EPB41L4A: variants seen among roughly 807,000 people sequenced by gnomAD.
The protein encoded by EPB41L4A is band 4.1-like protein 4A.
A neutral mutation model predicts 108.6 loss-of-function variants in EPB41L4A; 100 were observed. The ratio of observed to expected loss-of-function variants is 0.92; its 90% CI spans 0.78 to 1.09. The LOEUF is 1.09. Among genes scored for constraint, EPB41L4A ranks in the 50% least tolerant of loss-of-function variants. The pLI is 0.00. For synonymous variants in EPB41L4A, 319 were observed against 289.0 expected (o/e 1.10, Z -1.05); for missense variants, 1,030 against 842.7 (o/e 1.22, Z -2.75).
chr5:112,186,239 A>G (rs1296930177), intron 17 of EPB41L4A, among the ~76,000 whole-genome samples: 2 of 152,152 alleles, frequency 1.3e-5, no homozygotes, highest in African/African-American at 4.8e-5. Flanking sequence ...GAGAGGTCAA[A>G]CCTGCTAACA....
chr5:112,203,186 T>C (rs1024910062), intron 15 of EPB41L4A, among the ~76,000 whole-genome samples: 5 of 151,906 alleles, frequency 3.3e-5, no homozygotes, highest in African/African-American at 1.2e-4. Context: ...AGAAACCCTA[T>C]CCCTACTAAA....
chr5:112,405,694 C>A (rs1291430905), intron 1 of EPB41L4A, among the ~76,000 whole-genome samples: 1 of 152,150 alleles, frequency 6.6e-6, no homozygotes, highest in Non-Finnish European at 1.5e-5. Context: ...CCTGTATTCA[C>A]TTTTTCTAAA....
chr5:112,229,388 T>G (rs1457172460), intron 12 of EPB41L4A, among the ~76,000 whole-genome samples: 1 of 152,148 alleles, frequency 6.6e-6, no homozygotes, highest in Non-Finnish European at 1.5e-5. Context: ...AAATAACTCT[T>G]GTGGGGTATT....
chr5:112,165,474 T>A (rs1221465324), intron 22 of EPB41L4A, among the ~76,000 whole-genome samples: 1 of 152,232 alleles, frequency 6.6e-6, no homozygotes, highest in Non-Finnish European at 1.5e-5. Flanking sequence ...GGAGGCAATT[T>A]ATAATCCCCT....
intron 11 of EPB41L4A, 80 bp from the exon 12 acceptor site, chr5:112,234,835 G>T (rs1749215288): frequency 6.9e-7 from 1 of 1,450,694 alleles, no homozygotes; most frequent in Non-Finnish European, 9.3e-7. Flanking sequence ...CAGAACATCT[G>T]CCAAATATGG....
Position 112,168,856 on chromosome 5 carries a change from C to T in EPB41L4A, c.1851-36G>A, listed in dbSNP as rs373074246. 12 of 1,566,948 alleles carry T rather than the reference C, an allele frequency of 7.7e-6. No homozygotes were observed. In the African/African-American group the frequency reaches 1.1e-4, roughly 14 times the overall value. ...TGAGTTTTAGAATTAGTGACTGGAA[C>T]AGTATCTAGAATCATAAATTAAGTT... On this transcript the variant is annotated intron_variant, in intron 21 of 22. Coordinates refer to ENST00000261486, the MANE Select transcript of EPB41L4A (RefSeq NM_022140.5).
At chr5:112,241,489 C>G (rs1049595697) in intron 9 of EPB41L4A, among the ~76,000 whole-genome samples, 6 of 152,156 alleles carry the variant, frequency 3.9e-5, no homozygotes, top group African/African-American at 1.2e-4. Context: ...AGGTACAAAT[C>G]AGCCCTCTAT....
intron 12 of EPB41L4A, among the ~76,000 whole-genome samples, chr5:112,214,314 C>A (rs1747450960): frequency 1.3e-5 from 2 of 152,202 alleles, no homozygotes; most frequent in Admixed American, 1.3e-4. Flanking sequence ...GAATTTCAGG[C>A]ACTGTTCCAG....
chr5:112,314,531 A>G (rs1214011670), intron 1 of EPB41L4A, among the ~76,000 whole-genome samples: 1 of 143,198 alleles, frequency 7.0e-6, no homozygotes, highest in Non-Finnish European at 1.5e-5. Context: ...AAAAAAAAAA[A>G]AAAAAAAGAA....
chr5:112,215,488 C>T (rs370421763), intron 12 of EPB41L4A, among the ~76,000 whole-genome samples: 36 of 152,206 alleles, frequency 2.4e-4, no homozygotes, highest in Admixed American at 5.9e-4. Flanking sequence ...CTTGCTCGGG[C>T]GCGGTGGCTC....
At chr5:112,143,587 T>C (rs909654080) in exon 14 of EPB41L4A, 1 of 170,722 alleles carries the variant, frequency 5.9e-6, no homozygotes. Context: ...TTCTCCCCTA[T>C]CTTCCCTGTC....
Position 112,380,788 on chromosome 5 carries a change from CACAT to C in EPB41L4A, c.99+38149_99+38152del, listed in dbSNP as rs1466687239. On this transcript the variant is annotated intron_variant, in intron 1 of 22. Coordinates refer to ENST00000261486, the MANE Select transcript of EPB41L4A (RefSeq NM_022140.5). ...AGAAACCCATCCTCTGCACATCACA[CACAT>C]ACACACACACACACACACACACACA... Among the ~76,000 whole-genome samples the C allele has an allele frequency of 7.1e-3, 714 of 100,080 alleles. 6 individuals carry two copies. The highest frequency in any genetic ancestry group is 0.024 in the African/African-American group (658 of 26,954). 65.7% of individuals were successfully genotyped at this position (100,080 alleles called of 152,430 possible).
intron 1 of EPB41L4A, among the ~76,000 whole-genome samples, chr5:112,415,448 T>C (rs1019324757): frequency 3.3e-5 from 5 of 152,202 alleles, no homozygotes; most frequent in Admixed American, 3.3e-4. Context: ...CTCAGAGGAT[T>C]AAAATCTTGC....
At chr5:112,208,432 CG>C (rs1762574737) in intron 13 of EPB41L4A, among the ~76,000 whole-genome samples, 1 of 151,954 alleles carries the variant, frequency 6.6e-6, no homozygotes, top group East Asian at 1.9e-4. Context: ...TGCGGCAACA[CG>C]GACGCAACTG....
At chr5:112,246,648 G>A (rs1217577585) in intron 9 of EPB41L4A, among the ~76,000 whole-genome samples, 1 of 152,092 alleles carries the variant, frequency 6.6e-6, no homozygotes, top group African/African-American at 2.4e-5. Flanking sequence ...CAAACTGATA[G>A]CTTTATCTTT....
chr5:112,190,653 T>C (rs1212311569), intron 17 of EPB41L4A, among the ~76,000 whole-genome samples: 1 of 152,226 alleles, frequency 6.6e-6, no homozygotes, highest in African/African-American at 2.4e-5. Flanking sequence ...TTACATTTCA[T>C]TTGATCTTTA....
chr5:112,146,891 T>C (rs931299717), intron 12 of EPB41L4A, among the ~76,000 whole-genome samples: 3 of 152,206 alleles, frequency 2.0e-5, no homozygotes, highest in African/African-American at 7.2e-5. Flanking sequence ...TAACAGGTCT[T>C]TTCTATTAAT....
At chr5:112,400,556 G>A (rs1761679902) in intron 1 of EPB41L4A, among the ~76,000 whole-genome samples, 1 of 152,086 alleles carries the variant, frequency 6.6e-6, no homozygotes, top group South Asian at 2.1e-4. Flanking sequence ...GAAAGTGTCA[G>A]AGGGAGGTGC....
At chr5:112,316,601 T>C (rs1421519787) in intron 1 of EPB41L4A, among the ~76,000 whole-genome samples, 1 of 152,100 alleles carries the variant, frequency 6.6e-6, no homozygotes, top group Non-Finnish European at 1.5e-5. Flanking sequence ...ATGAGTAAAA[T>C]GTATTTTTCT....
Sources: gnomAD v4.1 joint callset for allele counts (sites outside exome capture counted in the v4.1 genomes callset) on GRCh38, gnomAD v4.1.1 for gene constraint, MANE v1.5 for transcripts, NCBI Gene and HGNC (gene_info 2026-07-23, HGNC 2026-07-21) for gene names.